Variants in MYO1B observed in about 807,000 individuals in gnomAD.
The protein encoded by MYO1B is myosin IB.
Under a neutral mutation model 159.7 loss-of-function variants are expected in MYO1B, and 72 were observed. The ratio of observed to expected loss-of-function variants is 0.45; its 90% confidence interval spans 0.37 to 0.55. MYO1B has a LOEUF of 0.55. MYO1B is among the 20% of genes least tolerant of loss of function. The probability of loss-of-function intolerance (pLI) is 0.00; values close to 1 mark genes in which losing one functional copy is unlikely to be tolerated. For missense variants in MYO1B, 1,062 were observed against 1,364.8 expected (o/e 0.78, Z 3.50); for synonymous variants, 468 against 473.8 (o/e 0.99, Z 0.16).
chr2:191,319,548 C>T (rs1428626121), intron 3 of MYO1B, among the ~76,000 whole-genome samples: 1 of 152,120 alleles, frequency 6.6e-6, no homozygotes, highest in Non-Finnish European at 1.5e-5. Flanking sequence ...GGAAGGGTTT[C>T]CACATTTTAT....
At chr2:191,284,058 C>G (rs1481809929) in intron 2 of MYO1B, among the ~76,000 whole-genome samples, 1 of 152,152 alleles carries the variant, frequency 6.6e-6, no homozygotes, top group Non-Finnish European at 1.5e-5. Context: ...TTTTTCCCCA[C>G]TGTGGAAGGT....
At chr2:191,383,918 G>GACA (rs200650699) in intron 15 of MYO1B, among the ~76,000 whole-genome samples, 3,140 of 152,216 alleles carry the variant, frequency 0.021, 53 homozygotes, top group Non-Finnish European at 0.032. Context: ...GACATAAAGG[G>GACA]ACAACCTCTG....
chr2:191,291,727 T>A (rs1009390822), intron 2 of MYO1B, among the ~76,000 whole-genome samples: 5 of 152,328 alleles, frequency 3.3e-5, no homozygotes, highest in Admixed American at 6.5e-5. Context: ...CTGTAAATAG[T>A]ATGCAGTTGT....
intron 23 of MYO1B, 106 bp downstream of exon 23, chr2:191,400,941 A>G (rs1696574256): frequency 2.8e-6 from 3 of 1,075,552 alleles, no homozygotes; most frequent in African/African-American, 1.6e-5. Flanking sequence ...AGTGGCTCAC[A>G]CTGGTGCATG....
At chr2:191,362,243 A>G (rs376295104) in intron 8 of MYO1B, 25 bp from the exon 9 acceptor site, 72 of 1,578,276 alleles carry the variant, frequency 4.6e-5, no homozygotes, top group Non-Finnish European at 5.7e-5. Context: ...AAGCAACTTA[A>G]CAACTTGTGT....
At chr2:191,401,043 T>G (rs1158774291) in intron 23 of MYO1B, among the ~76,000 whole-genome samples, 1 of 152,158 alleles carries the variant, frequency 6.6e-6, no homozygotes, top group African/African-American at 2.4e-5. Flanking sequence ...AACTAATTGC[T>G]TACTAAAAAG....
intron 3 of MYO1B, among the ~76,000 whole-genome samples, chr2:191,303,406 T>C (rs895893298): frequency 2.0e-5 from 3 of 152,188 alleles, no homozygotes; most frequent in African/African-American, 7.2e-5. Context: ...AGCCCTTAAA[T>C]TGATCCAGTA....
intron 3 of MYO1B, among the ~76,000 whole-genome samples, chr2:191,314,596 T>A (rs989727960): frequency 6.6e-6 from 1 of 152,234 alleles, no homozygotes. Flanking sequence ...CTTAAGCCAA[T>A]GCAATGTTAA....
intron 13 of MYO1B, among the ~76,000 whole-genome samples, chr2:191,371,869 A>C (rs1487144631): frequency 1.3e-5 from 2 of 152,220 alleles, no homozygotes; most frequent in Non-Finnish European, 2.9e-5. Flanking sequence ...TCTTCAACAC[A>C]GCATCTGCTT....
chr2:191,316,595 A>G (rs1574412916), intron 3 of MYO1B, among the ~76,000 whole-genome samples: 1 of 152,202 alleles, frequency 6.6e-6, no homozygotes, highest in African/African-American at 2.4e-5. Flanking sequence ...GGCATTTCCT[A>G]TTTGACAATT....
chr2:191,313,205 T>C (rs1436663768), intron 3 of MYO1B, among the ~76,000 whole-genome samples: 2 of 114,890 alleles, frequency 1.7e-5, no homozygotes, highest in South Asian at 3.4e-4. Context: ...TTTTTTTTTT[T>C]TTTTTTTTTT....
At chr2:191,299,678 A>T (rs537969753) in intron 3 of MYO1B, among the ~76,000 whole-genome samples, 1 of 152,240 alleles carries the variant, frequency 6.6e-6, no homozygotes, top group Non-Finnish European at 1.5e-5. Context: ...CAGTAAAAAC[A>T]TAGTGAACAG....
chr2:191,411,179 T>C lies in MYO1B; in HGVS notation c.2873+7T>C. The stretch of plus-strand genomic sequence containing the variant: ...AGGCTTTATACCCATCTAGGTATTA[T>C]GGCTTTGCTTTACCCATAAAATTCA... On this transcript the variant is annotated splice_region_variant and intron_variant, in intron 27 of 30. Transcript: ENST00000392318. 1.3e-6 allele frequency: 2 copies of C among 1,526,302 alleles called. No individual in the cohort carries two copies. Among genetic ancestry groups the C allele is most frequent in the Non-Finnish European group, 1.8e-6 (2 of 1,122,008 alleles). 94.5% of individuals were successfully genotyped at this position (1,526,302 alleles called of 1,614,324 possible). A position where few individuals can be genotyped will look rare whatever the true frequency, so the allele number is the denominator to read the frequency against.
intron 24 of MYO1B, among the ~76,000 whole-genome samples, chr2:191,407,328 G>A (rs776855507): frequency 2.6e-5 from 4 of 152,122 alleles, no homozygotes; most frequent in African/African-American, 7.2e-5. Context: ...TATTCAGATA[G>A]GCTAATATTT....
At position 191,400,838 on chromosome 2, in the gene MYO1B, A is replaced by T; in HGVS notation, c.2469+3A>T. The T allele has an allele frequency of 6.2e-7, 1 of 1,613,092 alleles. No homozygotes were observed. The highest frequency in any genetic ancestry group is 2.2e-5 in the East Asian group (1 of 44,880). On this transcript the variant is annotated splice_donor_region_variant and intron_variant, in intron 23 of 30. Transcript: ENST00000392318. ...GGGCTTACTGGCTTGGATCTAAGGT[A>T]CTTGATGCACATATCCCAACACTCC...
chr2:191,356,550 C>T (rs911816280), intron 7 of MYO1B, among the ~76,000 whole-genome samples: 2 of 151,880 alleles, frequency 1.3e-5, no homozygotes, highest in African/African-American at 4.8e-5. Flanking sequence ...TACAAACATA[C>T]GTTTACCATG....
intron 3 of MYO1B, among the ~76,000 whole-genome samples, chr2:191,297,995 T>C (rs1469685115): frequency 2.6e-5 from 4 of 152,182 alleles, no homozygotes. Flanking sequence ...CTGCAGAAAG[T>C]CTCATTATGT....
chr2:191,311,131 T>C (rs1689978285), intron 3 of MYO1B, among the ~76,000 whole-genome samples: 1 of 152,206 alleles, frequency 6.6e-6, no homozygotes, highest in South Asian at 2.1e-4. Context: ...AGAATATCCT[T>C]GTATCCTCAG....
At chr2:191,323,219 G>A (rs945242033) in intron 3 of MYO1B, among the ~76,000 whole-genome samples, 3 of 152,032 alleles carry the variant, frequency 2.0e-5, no homozygotes, top group African/African-American at 7.2e-5. Context: ...GGTGAGTTTT[G>A]GCTGGCTTTT....
Sources: allele counts gnomAD v4.1 joint callset (sites outside exome capture counted in the v4.1 genomes callset), GRCh38; gene constraint gnomAD v4.1.1; transcripts MANE v1.5; gene names NCBI Gene and HGNC (gene_info 2026-07-23, HGNC 2026-07-21).